Variants in UBTF observed in about 807,000 individuals in gnomAD.
UBTF encodes the protein upstream binding transcription factor.
A neutral mutation model predicts 112.3 loss-of-function variants in UBTF; 8 were observed. That is an observed-to-expected ratio of 0.07 (90% CI 0.04 to 0.13). The LOEUF is 0.13. Ranked by LOEUF, UBTF falls within the 10% of genes least tolerant of loss-of-function variation. The pLI is 1.00. For missense variants in UBTF, 457 were observed against 982.1 expected, an observed-to-expected ratio of 0.47 and a Z score of 7.15; for synonymous variants, 417 against 373.1, an observed-to-expected ratio of 1.12 and a Z score of -1.36.
intron 17 of UBTF, among the ~76,000 whole-genome samples, chr17:44,208,462 T>C (rs2056422272): frequency 1.3e-5 from 2 of 152,148 alleles, no homozygotes; most frequent in African/African-American, 2.4e-5. Context: ...ACTAAGACTA[T>C]TGGTTTTCAC....
chr17:44,209,791 T>C, intron 15 of UBTF, 58 bp from the exon 16 acceptor site: 1 of 1,561,174 alleles, frequency 6.4e-7, no homozygotes, highest in East Asian at 2.3e-5. Context: ...ACTGCTGCCT[T>C]CTGCCTCATG....
intron 2 of UBTF, among the ~76,000 whole-genome samples, chr17:44,217,515 T>C (rs947654088): frequency 6.6e-6 from 1 of 152,126 alleles, no homozygotes; most frequent in Non-Finnish European, 1.5e-5. Flanking sequence ...GCTGGGAGAA[T>C]AGCCACCCAA....
rs2056770341 is a variant in UBTF, at chr17:44,212,702, C to T, written c.660+117G>A. ...GCCCGGGCCCTGTCCATGCAGCCCA[C>T]CCCTGGGGAGGGGCCTCCTCTCCTG... is the stretch of plus-strand genomic sequence containing the variant. On this transcript the variant is annotated intron_variant, in intron 7 of 20. Transcript: ENST00000436088. The T allele has an allele frequency of 3.3e-6, 5 of 1,536,850 alleles. No homozygotes were observed. The Middle Eastern group carries it at 7.2e-4, about 221-fold the overall frequency.
In UBTF at chr17:44,207,090, C is replaced by A; in HGVS notation, c.*152G>T. ...TGGCCTGGGCTCCTCCAGCCCCCTA[C>A]CCCCACCGTATTTTTTTTTTTTTTT... On this transcript the variant is annotated 3_prime_UTR_variant, in exon 21 of 21. Transcript: ENST00000436088. The A allele has an allele frequency of 1.2e-6, 1 of 869,296 alleles. No homozygotes were observed. The highest frequency in any genetic ancestry group is 1.7e-5 in the African/African-American group (1 of 58,758). The allele number at this position is 869,296 out of a possible 1,614,324, so 53.8% of individuals were successfully genotyped here.
chr17:44,206,927 G>C lies in UBTF; in HGVS notation c.*315C>G. 2.2e-6 allele frequency: 1 copy of C among 456,058 alleles called. No homozygotes were observed. Among genetic ancestry groups the C allele is most frequent in the Non-Finnish European group, 3.9e-6 (1 of 259,198 alleles). The allele number at this position is 456,058 out of a possible 1,614,324, so 28.3% of individuals were successfully genotyped here. On this transcript the variant is annotated 3_prime_UTR_variant, in exon 21 of 21. Transcript: ENST00000436088. ...TTGGGACCCCCCACCCCCACTCTCC[G>C]GTCCATTGTCCATGCCGGAACCGCA...
At chr17:44,212,695 C>T (rs1307091928) in intron 7 of UBTF, 124 bp downstream of exon 7, 8 of 1,513,776 alleles carry the variant, frequency 5.3e-6, no homozygotes, top group Middle Eastern at 2.5e-4. Flanking sequence ...CCTGTCCATG[C>T]AGCCCACCCC....
rs1185203875 is a variant in UBTF at position 44,205,811 on chromosome 17, TAC to T, written c.*1429_*1430del. 1 of 152,148 alleles carries T rather than the reference TAC, an allele frequency of 6.6e-6. No individual in the cohort carries two copies. Among genetic ancestry groups the T allele is most frequent in the African/African-American group, 2.4e-5 (1 of 41,418 alleles). 9.4% of individuals were successfully genotyped at this position (152,148 alleles called of 1,614,324 possible). ...ATTTAGTCAACAAAAAAATAAGAAC[TAC>T]AGAGATAAGGTGGCTTGGCTTATTA... On this transcript the variant is annotated 3_prime_UTR_variant, in exon 21 of 21. Transcript: ENST00000436088.
chr17:44,216,248 G>A lies in UBTF; in HGVS notation c.235-259C>T, dbSNP rs138634694. 46 of 603,856 alleles carry A rather than the reference G, an allele frequency of 7.6e-5. No homozygotes were observed. The African/African-American group carries it at 8.1e-4, about 11-fold the overall frequency. The allele number at this position is 603,856 out of a possible 1,614,324, so 37.4% of individuals were successfully genotyped here. A position where few individuals can be genotyped will look rare whatever the true frequency, so the allele number is the denominator to read the frequency against. ...AACTGACCTCAACCTGGTTGTCCAT[G>A]CTAACACCTCCGTCAATCTCAGCAT... On this transcript the variant is annotated intron_variant, in intron 3 of 20. Transcript: ENST00000436088.
chr17:44,219,061 C>A (rs1310550896), intron 1 of UBTF: 5 of 149,704 alleles, frequency 3.3e-5, no homozygotes, highest in African/African-American at 1.2e-4. Context: ...GCCTCCTCCC[C>A]CGAGCCTGCG....
At position 44,207,114 on chromosome 17, in the gene UBTF, TTAAAGA is replaced by T; in HGVS notation, c.*122_*127del. Reference sequence around the variant, plus strand: ...ACCCCCACCGTATTTTTTTTTTTTTTTAAAGAAAGAAAGAAAGTGGGGGAGGCCAGG... The same window carrying T: ...ACCCCCACCGTATTTTTTTTTTTTTTAAGAAAGAAAGTGGGGGAGGCCAGG... On this transcript the variant is annotated 3_prime_UTR_variant, in exon 21 of 21. Transcript: ENST00000436088. The T allele has an allele frequency of 9.5e-7, 1 of 1,053,676 alleles. No homozygotes were observed. Among genetic ancestry groups the T allele is most frequent in the Non-Finnish European group, 1.3e-6 (1 of 745,110 alleles). The allele number at this position is 1,053,676 out of a possible 1,614,324, so 65.3% of individuals were successfully genotyped here. A position where few individuals can be genotyped will look rare whatever the true frequency, so the allele number is the denominator to read the frequency against.
At chr17:44,210,975 G>A (rs1365762755) in intron 12 of UBTF, 28 bp from the exon 13 acceptor site, 1 of 1,600,750 alleles carries the variant, frequency 6.2e-7, no homozygotes. Flanking sequence ...GTCGGGGTCC[G>A]TGGGTGCTGC....
chr17:44,210,463 T>C lies in UBTF; in HGVS notation c.1370A>G (p.Lys457Arg), dbSNP rs1344596933. Reference sequence around the variant, plus strand: ...AGCCTTGAGCGCCGCCTCTCGGGCCTTGTACTTGGCCTGCGGGGATGGCCC... The same window carrying C: ...AGCCTTGAGCGCCGCCTCTCGGGCCCTGTACTTGGCCTGCGGGGATGGCCC... The part of the protein sequence containing the change: ...DLSEKKKAKY[K>R]AREAALKAQS... Residue 457 changes from lysine (K) to arginine (R), a missense_variant, in exon 14 of 21, where the codon AAG (lysine) becomes AGG (arginine). Around this residue, in one of 7 missense-constraint regions of UBTF, gnomAD observed 108 missense variants for 137.4 expected, o/e 0.79. Transcript: ENST00000436088. The C allele has an allele frequency of 6.2e-7, 1 of 1,609,086 alleles. No homozygotes were observed.
chr17:44,219,053 C>G lies in UBTF; in HGVS notation c.-68+392G>C, dbSNP rs2047021237. The G allele has an allele frequency of 2.0e-5, 3 of 149,612 alleles. No homozygotes were observed. The South Asian group carries it at 6.2e-4, about 31-fold the overall frequency. The allele number at this position is 149,612 out of a possible 1,614,324, so 9.3% of individuals were successfully genotyped here. ...GCGCGACCGCGGCGGGAACCGCCGC[C>G]TCCTCCCCCGAGCCTGCGGCCCAGC... On this transcript the variant is annotated intron_variant, in intron 1 of 20. Transcript: ENST00000436088.
chr17:44,217,806 C>T (rs183697802), intron 2 of UBTF, among the ~76,000 whole-genome samples: 1 of 152,292 alleles, frequency 6.6e-6, no homozygotes, highest in East Asian at 1.9e-4. Context: ...TCATGGTCTT[C>T]CTAAAAAGCC....
intron 5 of UBTF, chr17:44,215,311 C>T (rs921451248): frequency 2.1e-5 from 5 of 238,174 alleles, no homozygotes; most frequent in Admixed American, 5.1e-5. Flanking sequence ...GAGACCATGA[C>T]GGGAAACGTC....
intron 3 of UBTF, 105 bp from the exon 4 acceptor site, chr17:44,216,094 A>G (rs1410549893): frequency 4.3e-6 from 4 of 926,264 alleles, no homozygotes; most frequent in Non-Finnish European, 6.7e-6. Context: ...TTACTAGACT[A>G]AATTTACCAA....
chr17:44,211,801 C>T lies in UBTF; in HGVS notation c.906-54G>A. 1.9e-6 allele frequency: 3 copies of T among 1,599,514 alleles called. No homozygotes were observed. The highest frequency in any genetic ancestry group is 1.7e-4 in the Middle Eastern group (1 of 6,020). On this transcript the variant is annotated intron_variant, in intron 9 of 20. Coordinates refer to ENST00000436088, the MANE Select transcript of UBTF (RefSeq NM_014233.4). The surrounding 1 kb of genome is among the most constrained non-coding windows in gnomAD (Gnocchi z 4.9). ...GCCCGTAAGCGAGCAGGGCAGCAGGCCTTCTCACCTGCAGAGCCCAGCCCA... is the reference window on the plus strand; with the variant it reads ...GCCCGTAAGCGAGCAGGGCAGCAGGTCTTCTCACCTGCAGAGCCCAGCCCA...
At chr17:44,216,401 G>C (rs2046848253) in intron 3 of UBTF, 128 bp downstream of exon 3, 2 of 1,113,236 alleles carry the variant, frequency 1.8e-6, no homozygotes, top group Non-Finnish European at 2.6e-6. Flanking sequence ...GGGGCAGGTA[G>C]AGAGCTAACG....
chr17:44,217,004 G>GT (rs2046877174), intron 2 of UBTF, among the ~76,000 whole-genome samples: 1 of 152,342 alleles, frequency 6.6e-6, no homozygotes, highest in South Asian at 2.1e-4. Flanking sequence ...GCTATTTGCT[G>GT]TAAGGGGAAG....
Sources: gnomAD v4.1 joint callset for allele counts (sites outside exome capture counted in the v4.1 genomes callset) on GRCh38, gnomAD v4.1.1 for gene constraint, gnomAD v4.1.1 regional missense constraint, Gnocchi (gnomAD v3.1) non-coding constraint, MANE v1.5 for transcripts, NCBI Gene and HGNC (gene_info 2026-07-23, HGNC 2026-07-21) for gene names.